SVEP1: variants seen among roughly 807,000 people sequenced by gnomAD.
SVEP1 encodes the protein sushi, von Willebrand factor type A, EGF and pentraxin domain containing 1, also known as sushi, von Willebrand factor type A, EGF and pentraxin domain-containing protein 1.
In SVEP1, 164 loss-of-function variants were observed where a neutral mutation model predicts 367.3. The ratio of observed to expected loss-of-function variants is 0.45; its 90% CI spans 0.39 to 0.51. The LOEUF (loss-of-function observed/expected upper bound fraction) is 0.51. Ranked by LOEUF, SVEP1 falls within the 20% of genes least tolerant of loss-of-function variation. The pLI, the probability that SVEP1 is intolerant of heterozygous loss-of-function variation, is 0.00. For missense variants in SVEP1, 4,117 were observed against 4,425.3 expected (o/e 0.93, Z 1.98); for synonymous variants, 1,666 against 1,611.6 (o/e 1.03, Z -0.81).
chr9:110,404,400 C>T lies in SVEP1; in HGVS notation c.9593G>A (p.Ser3198Asn). Residue 3198 changes from serine to asparagine, a missense_variant, in exon 39 of 48, where the codon AGT (serine) becomes AAT (asparagine). By Grantham distance (46) the Ser-to-Asn change is conservative (BLOSUM62 1). This residue lies in a region of SVEP1 where 1,765 missense variants were observed against 1,781.1 expected (regional missense o/e 0.99). Coordinates refer to ENST00000374469, the MANE Select transcript of SVEP1 (RefSeq NM_153366.4). ...TGACACAGAAACTTGCCTATTCACA[C>T]TGAAATCGTCCCCATGTACAAGTAT... ...THILVHGDDF[S>N]VNRQVSVSCA... The T allele has an allele frequency of 1.2e-6, 2 of 1,614,008 alleles. No homozygotes were observed. Among genetic ancestry groups the T allele is most frequent in the South Asian group, 2.2e-5 (2 of 91,084 alleles).
intron 5 of SVEP1, among the ~76,000 whole-genome samples, chr9:110,503,577 A>G (rs1269597439): frequency 1.3e-5 from 2 of 152,178 alleles, no homozygotes; most frequent in African/African-American, 2.4e-5. Flanking sequence ...TTCAGGCTAC[A>G]TTACAACAAA....
At chr9:110,564,436 C>T (rs1830465822) in intron 1 of SVEP1, among the ~76,000 whole-genome samples, 1 of 152,140 alleles carries the variant, frequency 6.6e-6, no homozygotes, top group African/African-American at 2.4e-5. Flanking sequence ...TAGGCTTCAG[C>T]AACAAGCCAA....
intron 46 of SVEP1, among the ~76,000 whole-genome samples, chr9:110,375,136 T>C (rs1476350523): frequency 6.6e-6 from 1 of 152,122 alleles, no homozygotes; most frequent in Non-Finnish European, 1.5e-5. Flanking sequence ...AGAAGACAGA[T>C]AATTGAGTAG....
At chr9:110,563,716 A>T (rs947820785) in intron 1 of SVEP1, among the ~76,000 whole-genome samples, 1 of 152,212 alleles carries the variant, frequency 6.6e-6, no homozygotes, top group South Asian at 2.1e-4. Context: ...ACCAGGAACA[A>T]GCAAGCCAGT....
intron 40 of SVEP1, among the ~76,000 whole-genome samples, chr9:110,392,675 C>T (rs1248194167): frequency 1.3e-5 from 2 of 152,132 alleles, no homozygotes; most frequent in Non-Finnish European, 2.9e-5. Context: ...AATTCTTCCT[C>T]TTGAGTTGTC....
chr9:110,535,586 G>A (rs1383142097), intron 3 of SVEP1, among the ~76,000 whole-genome samples: 1 of 152,004 alleles, frequency 6.6e-6, no homozygotes, highest in African/African-American at 2.4e-5. Context: ...CATTGAATCT[G>A]TAAATTGCTT....
intron 46 of SVEP1, among the ~76,000 whole-genome samples, chr9:110,373,348 GCACA>G (rs1827304417): frequency 1.3e-5 from 2 of 152,164 alleles, no homozygotes; most frequent in African/African-American, 4.8e-5. Flanking sequence ...GGTGACGACT[GCACA>G]TCTGCTTTTG....
intron 3 of SVEP1, among the ~76,000 whole-genome samples, chr9:110,518,369 C>A (rs1829835098): frequency 6.6e-6 from 1 of 151,780 alleles, no homozygotes; most frequent in South Asian, 2.1e-4. Flanking sequence ...TTGCAGTGAG[C>A]CATGATAGCG....
chr9:110,393,653 CCACTCT>C (rs1827704247), intron 40 of SVEP1, among the ~76,000 whole-genome samples: 1 of 152,046 alleles, frequency 6.6e-6, no homozygotes, highest in Non-Finnish European at 1.5e-5. Flanking sequence ...CGGGTCACTC[CCACTCT>C]AATACTGTGT....
At chr9:110,509,565 C>A (rs1208866480) in intron 5 of SVEP1, among the ~76,000 whole-genome samples, 1 of 152,192 alleles carries the variant, frequency 6.6e-6, no homozygotes, top group African/African-American at 2.4e-5. Context: ...CGCTGGAGTA[C>A]AGTTGTGTGA....
intron 3 of SVEP1, among the ~76,000 whole-genome samples, chr9:110,525,341 A>G (rs1303479203): frequency 1.3e-5 from 2 of 151,920 alleles, no homozygotes; most frequent in Non-Finnish European, 2.9e-5. Context: ...GAAATTAAAA[A>G]TATGTTTACA....
Position 110,483,644 on chromosome 9 carries a change from C to G in SVEP1, c.1980G>C (p.Gln660His). The change falls in exon 10 of 48, where the codon CAG (glutamine) becomes CAC (histidine). Residue 660 changes from glutamine (Q) to histidine (H), a missense_variant. Gln to His is a conservative substitution (Grantham distance 24, BLOSUM62 0). Coordinates refer to ENST00000374469, the MANE Select transcript of SVEP1 (RefSeq NM_153366.4). ...IDWCRSPPPV[Q>H]VSEKVHAASW... Reference sequence around the variant, plus strand: ...TTGCGGCATGTACCTTCTCCGAGACCTGGACGGGAGGTGGAGATCTGCACC... The same window carrying G: ...TTGCGGCATGTACCTTCTCCGAGACGTGGACGGGAGGTGGAGATCTGCACC... 1 of 1,611,764 alleles carries G rather than the reference C, an allele frequency of 6.2e-7. No individual in the cohort carries two copies.
At chr9:110,521,212 T>C (rs1829871233) in intron 3 of SVEP1, among the ~76,000 whole-genome samples, 1 of 152,222 alleles carries the variant, frequency 6.6e-6, no homozygotes, top group Admixed American at 6.5e-5. Context: ...ATCCTTTCTA[T>C]TTTCCTCAAT....
chr9:110,464,101 T>C (rs1011949622), intron 18 of SVEP1, among the ~76,000 whole-genome samples: 1 of 152,206 alleles, frequency 6.6e-6, no homozygotes, highest in South Asian at 2.1e-4. Flanking sequence ...TTGGAGGAAG[T>C]GGGCAGGAAG....
chr9:110,467,482 G>T (rs1020561119), intron 17 of SVEP1, among the ~76,000 whole-genome samples: 1 of 152,234 alleles, frequency 6.6e-6, no homozygotes, highest in South Asian at 2.1e-4. Context: ...ATAATCCCCA[G>T]TGTTGGAAGT....
intron 3 of SVEP1, among the ~76,000 whole-genome samples, chr9:110,531,374 G>A (rs1889327): frequency 0.89 from 135,076 of 152,156 alleles, 60,195 homozygotes; most frequent in Admixed American, 0.93. Context: ...AGTTCCCATA[G>A]TCCCCACATG....
At chr9:110,470,218 A>C (rs1179839912) in intron 16 of SVEP1, among the ~76,000 whole-genome samples, 1 of 152,102 alleles carries the variant, frequency 6.6e-6, no homozygotes, top group Non-Finnish European at 1.5e-5. Flanking sequence ...ATAGGGAGTG[A>C]CTTTAATGGG....
At chr9:110,508,832 G>A (rs1829667466) in intron 5 of SVEP1, among the ~76,000 whole-genome samples, 1 of 151,054 alleles carries the variant, frequency 6.6e-6, no homozygotes, top group South Asian at 2.1e-4. Context: ...GAGTATAAGT[G>A]CTTTATGAAA....
chr9:110,544,734 A>G (rs1260952035), intron 3 of SVEP1, among the ~76,000 whole-genome samples: 2 of 152,200 alleles, frequency 1.3e-5, no homozygotes, highest in Non-Finnish European at 2.9e-5. Flanking sequence ...GACAATTACC[A>G]TATCTGTCAC....
Sources: allele counts gnomAD v4.1 joint callset (sites outside exome capture counted in the v4.1 genomes callset), GRCh38; gene constraint gnomAD v4.1.1; regional missense constraint gnomAD v4.1.1; transcripts MANE v1.5; gene names NCBI Gene and HGNC (gene_info 2026-07-23, HGNC 2026-07-21).